Variants in TFCP2 observed in about 807,000 individuals in gnomAD.
TFCP2 encodes the protein alpha-globin transcription factor CP2.
In TFCP2, 33 loss-of-function variants were observed where a neutral mutation model predicts 73.4. The observed-to-expected ratio is 0.45, with a 90% CI of 0.34 to 0.60. The LOEUF is 0.60. Among genes scored for constraint, TFCP2 ranks in the 20% least tolerant of loss-of-function variants. The pLI is 0.01. For synonymous variants in TFCP2, 193 were observed against 211.6 expected (o/e 0.91, Z 0.76); for missense variants, 352 against 604.0 (o/e 0.58, Z 4.37).
At chr12:51,167,504 T>A (rs1048159981) in intron 1 of TFCP2, among the ~76,000 whole-genome samples, 18 of 152,238 alleles carry the variant, frequency 1.2e-4, no homozygotes, top group Admixed American at 9.8e-4. Flanking sequence ...GTCATTCTCT[T>A]GCCTCAGCCT....
intron 7 of TFCP2, 88 bp from the exon 8 acceptor site, chr12:51,106,701 G>T: frequency 1.0e-6 from 1 of 995,884 alleles, no homozygotes; most frequent in Non-Finnish European, 1.5e-6. Context: ...AGCACATCTT[G>T]ATTAGTAAAT....
At chr12:51,125,048 GA>G in intron 1 of TFCP2, 1 of 747,896 alleles carries the variant, frequency 1.3e-6, no homozygotes, top group Middle Eastern at 2.3e-4. Flanking sequence ...TCTCGGTCGT[GA>G]TGTACGTCAG....
At chr12:51,165,636 A>G (rs73305768) in intron 1 of TFCP2, among the ~76,000 whole-genome samples, 152 of 152,306 alleles carry the variant, frequency 1.0e-3, no homozygotes, top group African/African-American at 3.5e-3. Flanking sequence ...TAATAGGTAC[A>G]GCATTTCACT....
chr12:51,124,358 G>A (rs1940750401), intron 1 of TFCP2, among the ~76,000 whole-genome samples: 1 of 152,010 alleles, frequency 6.6e-6, no homozygotes, highest in Non-Finnish European at 1.5e-5. Flanking sequence ...CTCCCAAAGT[G>A]CTAGAATTAC....
rs1307510942 is a variant in TFCP2 at position 51,109,147 on chromosome 12, C to A, written c.691G>T (p.Ala231Ser). The change falls in exon 6 of 15, where the codon GCC becomes TCC. Residue 231 changes from alanine (A) to serine (S), a missense_variant. Coordinates refer to ENST00000257915, the MANE Select transcript of TFCP2 (RefSeq NM_005653.5). ...TTGAAAACTTTGATCTGGCAGCTGG[C>A]CGAGTGTAAGTGCTCAGTATATTCC... is the stretch of plus-strand genomic sequence containing the variant. The part of the protein sequence containing the change: ...NGEYTEHLHS[A>S]SCQIKVFKPK... 6.2e-7 allele frequency: 1 copy of A among 1,614,128 alleles called. No individual in the cohort carries two copies. The highest frequency in any genetic ancestry group is 1.7e-5 in the Admixed American group (1 of 60,016).
chr12:51,093,853 C>G lies in TFCP2; in HGVS notation c.*1388G>C, dbSNP rs979061115. 1.4e-5 allele frequency: 2 copies of G among 142,286 alleles called. No homozygotes were observed. Among genetic ancestry groups the G allele is most frequent in the African/African-American group, 5.3e-5 (2 of 37,990 alleles). 8.8% of individuals were successfully genotyped at this position (142,286 alleles called of 1,614,324 possible). A position where few individuals can be genotyped will look rare whatever the true frequency, so the allele number is the denominator to read the frequency against. ...CTTTAAACACACACACACACACACA[C>G]ACACACAAATCCAAATCCAATACAC... On this transcript the variant is annotated 3_prime_UTR_variant, in exon 15 of 15. Transcript: ENST00000257915.
At chr12:51,120,118 C>A (rs188400021) in intron 1 of TFCP2, among the ~76,000 whole-genome samples, 1 of 126,888 alleles carries the variant, frequency 7.9e-6, no homozygotes, top group African/African-American at 3.0e-5. Context: ...GGCAGAGGTG[C>A]AGTGAGCCGA....
At chr12:51,116,178 T>C in intron 4 of TFCP2, 137 bp downstream of exon 4, 1 of 429,864 alleles carries the variant, frequency 2.3e-6, no homozygotes, top group Admixed American at 4.0e-5. Flanking sequence ...AAATTTTTTA[T>C]GCTTAGTAAA....
At position 51,118,276 on chromosome 12, in the gene TFCP2, C is replaced by T. The variant is rs143338902; in HGVS notation, c.274+345G>A. Reference sequence around the variant, plus strand: ...TACCTAATAAAACATCATAAATGGCCGGGCACGGTGGCTCACGCCTGTAAT... The same window carrying T: ...TACCTAATAAAACATCATAAATGGCTGGGCACGGTGGCTCACGCCTGTAAT... On this transcript the variant is annotated intron_variant, in intron 2 of 14. Transcript: ENST00000257915. Among the ~76,000 whole-genome samples the T allele has an allele frequency of 7.0e-3, 1,062 of 152,210 alleles. 7 individuals carry two copies. Among genetic ancestry groups the T allele is most frequent in the Non-Finnish European group, 0.012 (844 of 67,998 alleles).
intron 1 of TFCP2, among the ~76,000 whole-genome samples, chr12:51,172,020 C>G (rs984613207): frequency 6.6e-6 from 1 of 152,168 alleles, no homozygotes; most frequent in Non-Finnish European, 1.5e-5. Flanking sequence ...CCCCAAGTCT[C>G]CCACATTGGC....
intron 14 of TFCP2, 112 bp downstream of exon 14, chr12:51,095,877 C>A: frequency 9.0e-5 from 44 of 491,150 alleles, no homozygotes; most frequent in East Asian, 1.4e-4. Context: ...TTGTCACTTT[C>A]TTTACCCAAA....
intron 1 of TFCP2, among the ~76,000 whole-genome samples, chr12:51,160,980 G>A (rs1941635500): frequency 6.6e-6 from 1 of 152,102 alleles, no homozygotes; most frequent in South Asian, 2.1e-4. Context: ...CTGCCAGAGC[G>A]CTGGCCACTG....
At chr12:51,095,558 T>C (rs905112122) in intron 14 of TFCP2, among the ~76,000 whole-genome samples, 5 of 152,152 alleles carry the variant, frequency 3.3e-5, no homozygotes, top group Non-Finnish European at 7.4e-5. Context: ...CTCATGTCTG[T>C]AATCCCAGCA....
At chr12:51,168,258 T>C (rs916163312) in intron 1 of TFCP2, among the ~76,000 whole-genome samples, 1 of 151,702 alleles carries the variant, frequency 6.6e-6, no homozygotes, top group Admixed American at 6.6e-5. Context: ...CAGCCAGACA[T>C]GGTATCTCAT....
intron 7 of TFCP2, 51 bp downstream of exon 7, chr12:51,107,174 GTGATGAATTTT>G: frequency 2.2e-6 from 3 of 1,343,498 alleles, no homozygotes; most frequent in Non-Finnish European, 3.1e-6. Flanking sequence ...CAGTTTGGAA[GTGATGAATTTT>G]TAAGATTAAA....
chr12:51,137,813 AGTTTT>A (rs1416306805), intron 1 of TFCP2, among the ~76,000 whole-genome samples: 2 of 152,156 alleles, frequency 1.3e-5, no homozygotes, highest in African/African-American at 2.4e-5. Flanking sequence ...AAACACCAAC[AGTTTT>A]GTTTTGTTTT....
chr12:51,121,433 T>A (rs967586747), intron 1 of TFCP2, among the ~76,000 whole-genome samples: 2 of 146,208 alleles, frequency 1.4e-5, no homozygotes, highest in Non-Finnish European at 3.0e-5. Flanking sequence ...GAAAAAAAAA[T>A]ATTCCCCCAA....
chr12:51,132,990 T>C lies in TFCP2; in HGVS notation c.123-14218A>G, dbSNP rs567400649. ...AGATTCATGAGATGTCATTGTTGTTTGAGCCACTAAGTTTTTGTGCGTGGT... is the reference window on the plus strand; with the variant it reads ...AGATTCATGAGATGTCATTGTTGTTCGAGCCACTAAGTTTTTGTGCGTGGT... On this transcript the variant is annotated intron_variant, in intron 1 of 14. Coordinates refer to ENST00000257915, the MANE Select transcript of TFCP2 (RefSeq NM_005653.5). Among the ~76,000 whole-genome samples, 7 of 152,336 alleles carry C rather than the reference T, an allele frequency of 4.6e-5. No homozygotes were observed. The South Asian group carries it at 1.2e-3, about 27-fold the overall frequency.
chr12:51,135,367 A>C (rs1189272579), intron 1 of TFCP2, among the ~76,000 whole-genome samples: 2 of 151,646 alleles, frequency 1.3e-5, no homozygotes, highest in African/African-American at 2.4e-5. Context: ...GCAGAGGTTG[A>C]GGTGAGCCGA....
Sources: allele counts gnomAD v4.1 joint callset (sites outside exome capture counted in the v4.1 genomes callset), GRCh38; gene constraint gnomAD v4.1.1; transcripts MANE v1.5; gene names NCBI Gene and HGNC (gene_info 2026-07-23, HGNC 2026-07-21).